The following HIPK2 variants were observed in gnomAD, a reference collection of about 807,000 sequenced individuals.
HIPK2 encodes the protein homeodomain interacting protein kinase 2.
In HIPK2, 27 loss-of-function variants were observed where a neutral mutation model predicts 113.7. The ratio of observed to expected loss-of-function variants is 0.24; its 90% CI spans 0.17 to 0.33. HIPK2 has a LOEUF of 0.33. Among genes scored for constraint, HIPK2 ranks in the 10% least tolerant of loss-of-function variants. The probability of loss-of-function intolerance (pLI) is 1.00; values close to 1 mark genes in which losing one functional copy is unlikely to be tolerated. For missense variants in HIPK2, 1,257 were observed against 1,588.0 expected, an observed-to-expected ratio of 0.79 and a Z score of 3.54; for synonymous variants, 631 against 642.2, an observed-to-expected ratio of 0.98 and a Z score of 0.26.
At chr7:139,669,727 C>A (rs1291491501) in intron 2 of HIPK2, among the ~76,000 whole-genome samples, 2 of 151,930 alleles carry the variant, frequency 1.3e-5, no homozygotes, top group Admixed American at 1.3e-4. Flanking sequence ...CACACACACA[C>A]AAAAACTACA....
chr7:139,633,095 CAAAAA>C (rs942820284), intron 2 of HIPK2, among the ~76,000 whole-genome samples: 6 of 74,638 alleles, frequency 8.0e-5, no homozygotes, highest in African/African-American at 2.7e-4. Flanking sequence ...GACCCTGTCT[CAAAAA>C]AAAAAAAAAA....
intron 13 of HIPK2, 117 bp from the exon 14 acceptor site, chr7:139,575,405 G>T: frequency 8.1e-7 from 1 of 1,234,180 alleles, no homozygotes; most frequent in South Asian, 1.6e-5. Flanking sequence ...AGGCCGGGCA[G>T]TAACAAATCA....
At chr7:139,686,798 GC>G (rs1182742458) in intron 2 of HIPK2, among the ~76,000 whole-genome samples, 1 of 152,228 alleles carries the variant, frequency 6.6e-6, no homozygotes, top group Non-Finnish European at 1.5e-5. Flanking sequence ...CGTTGATAAA[GC>G]AGTGGCAGGG....
At chr7:139,609,782 A>G (rs1042230060) in intron 9 of HIPK2, among the ~76,000 whole-genome samples, 2 of 152,248 alleles carry the variant, frequency 1.3e-5, no homozygotes, top group South Asian at 4.1e-4. Flanking sequence ...AAAGCAACTG[A>G]CAAAAAGACA....
In HIPK2 at chr7:139,606,664, A is replaced by G. The variant is rs964619978; in HGVS notation, c.2113-2441T>C. Among the ~76,000 whole-genome samples the G allele has an allele frequency of 4.6e-5, 7 of 152,188 alleles. No homozygotes were observed. In the East Asian group the frequency reaches 1.2e-3, roughly 25 times the overall value. On this transcript the variant is annotated intron_variant, in intron 9 of 14. Coordinates refer to ENST00000406875, the MANE Select transcript of HIPK2 (RefSeq NM_022740.5). The stretch of plus-strand genomic sequence containing the variant: ...CCCGCCCCAAAGCAGGAGGCTAGAC[A>G]ATTCTCTCTAGGGGAAATGACTAGT...
intron 2 of HIPK2, among the ~76,000 whole-genome samples, chr7:139,673,674 T>G (rs759632807): frequency 6.6e-6 from 1 of 151,862 alleles, no homozygotes; most frequent in Non-Finnish European, 1.5e-5. Context: ...CTACCTACAG[T>G]GATGGTAGGT....
At chr7:139,681,642 G>C (rs1802703643) in intron 2 of HIPK2, among the ~76,000 whole-genome samples, 1 of 152,148 alleles carries the variant, frequency 6.6e-6, no homozygotes. Flanking sequence ...TGCTGTACAA[G>C]AAAATTAAGG....
chr7:139,710,310 C>G (rs1795023999), intron 2 of HIPK2, among the ~76,000 whole-genome samples: 1 of 152,184 alleles, frequency 6.6e-6, no homozygotes, highest in African/African-American at 2.4e-5. Flanking sequence ...TTTCTCCCAT[C>G]TTCCCTTATT....
At chr7:139,589,416 A>AC (rs575356295) in intron 12 of HIPK2, among the ~76,000 whole-genome samples, 23 of 152,148 alleles carry the variant, frequency 1.5e-4, no homozygotes, top group South Asian at 4.1e-4. Flanking sequence ...AAAAAAAAAA[A>AC]AACAACAAAA....
At chr7:139,634,683 T>G (rs893805852) in intron 2 of HIPK2, among the ~76,000 whole-genome samples, 1 of 143,218 alleles carries the variant, frequency 7.0e-6, no homozygotes, top group Non-Finnish European at 1.5e-5. Flanking sequence ...GGTTTTTTTT[T>G]TTTTTTTTTT....
intron 2 of HIPK2, among the ~76,000 whole-genome samples, chr7:139,675,449 G>A (rs576978592): frequency 1.3e-5 from 2 of 152,232 alleles, no homozygotes; most frequent in South Asian, 2.1e-4. Flanking sequence ...ATATTTAAAT[G>A]TCGGCACTCA....
chr7:139,690,054 C>T (rs955264818), intron 2 of HIPK2, among the ~76,000 whole-genome samples: 3 of 3,450 alleles, frequency 8.7e-4, no homozygotes, highest in African/African-American at 4.7e-3. Flanking sequence ...CCATGAGAAG[C>T]GGTGGGGGCG....
Position 139,777,690 on chromosome 7 carries a change from C to T in HIPK2, c.-67G>A, listed in dbSNP as rs1308798772. ...AAGCGGCGCGCGAGCTCGGCCCCCC[C>T]AGCCTCAGTCGGAATCTGCCATCTT... is the stretch of plus-strand genomic sequence containing the variant. On this transcript the variant is annotated 5_prime_UTR_variant, in exon 1 of 15. Coordinates refer to ENST00000406875, the MANE Select transcript of HIPK2 (RefSeq NM_022740.5). 9.3e-7 allele frequency: 1 copy of T among 1,080,396 alleles called. No homozygotes were observed. Among genetic ancestry groups the T allele is most frequent in the Non-Finnish European group, 1.1e-6 (1 of 889,972 alleles). The allele number at this position is 1,080,396 out of a possible 1,614,324, so 66.9% of individuals were successfully genotyped here. A position where few individuals can be genotyped will look rare whatever the true frequency, so the allele number is the denominator to read the frequency against.
intron 6 of HIPK2, among the ~76,000 whole-genome samples, chr7:139,621,552 T>C (rs1800233208): frequency 6.6e-6 from 1 of 152,230 alleles, no homozygotes; most frequent in Non-Finnish European, 1.5e-5. Context: ...CCAAAAAGTG[T>C]CCTTCAGAAT....
intron 2 of HIPK2, among the ~76,000 whole-genome samples, chr7:139,653,567 A>T (rs1319350075): frequency 6.6e-6 from 1 of 151,754 alleles, no homozygotes; most frequent in Non-Finnish European, 1.5e-5. Flanking sequence ...GAGCAAAGGA[A>T]ATCAGCTTCC....
At chr7:139,604,027 A>G in intron 10 of HIPK2, 54 bp downstream of exon 10, 1 of 1,610,454 alleles carries the variant, frequency 6.2e-7, no homozygotes. Context: ...TTGGCAGTGG[A>G]CGTGCCTCCC....
At chr7:139,766,110 G>A (rs1449099273) in intron 1 of HIPK2, among the ~76,000 whole-genome samples, 1 of 152,212 alleles carries the variant, frequency 6.6e-6, no homozygotes, top group Admixed American at 6.5e-5. Context: ...TCAGGAGTCA[G>A]CTCTGGACTC....
intron 10 of HIPK2, 112 bp downstream of exon 10, chr7:139,603,969 C>A: frequency 7.0e-7 from 1 of 1,425,392 alleles, no homozygotes; most frequent in Non-Finnish European, 9.7e-7. Context: ...TTAAAAAGCT[C>A]TCTACAAACC....
At chr7:139,760,438 C>T (rs1569485441) in intron 1 of HIPK2, among the ~76,000 whole-genome samples, 1 of 152,146 alleles carries the variant, frequency 6.6e-6, no homozygotes, top group African/African-American at 2.4e-5. Flanking sequence ...GTGACATGCT[C>T]TCTGAGGAAG....
Sources: allele counts gnomAD v4.1 joint callset (sites outside exome capture counted in the v4.1 genomes callset), GRCh38; gene constraint gnomAD v4.1.1; transcripts MANE v1.5; gene names NCBI Gene and HGNC (gene_info 2026-07-23, HGNC 2026-07-21).